Variants in ACCSL observed in about 807,000 individuals in gnomAD.
The protein encoded by ACCSL is 1-aminocyclopropane-1-carboxylate synthase homolog (inactive) like.
Under a neutral mutation model 61.7 loss-of-function variants are expected in ACCSL, and 55 were observed. That is an observed-to-expected ratio of 0.89 (90% CI 0.72 to 1.12). ACCSL has a LOEUF of 1.12. ACCSL is among the 50% of genes most tolerant of loss of function. ACCSL has a pLI of 0.00. For missense variants in ACCSL, 632 were observed against 698.0 expected (o/e 0.91, Z 1.07); for synonymous variants, 258 against 264.3 (o/e 0.98, Z 0.23).
chr11:43,957,653 A>C, the ACCSL span, among the ~76,000 whole-genome samples: 1 of 152,248 alleles, frequency 6.6e-6, no homozygotes, highest in African/African-American at 2.4e-5. Flanking sequence ...ATTTTGGAAT[A>C]AAATACTTTG....
At chr11:43,977,330 C>G in the ACCSL span, among the ~76,000 whole-genome samples, 13 of 152,182 alleles carry the variant, frequency 8.5e-5, no homozygotes, top group Non-Finnish European at 1.8e-4. Flanking sequence ...AGGAGATTAT[C>G]TGGGATTATC....
the ACCSL span, among the ~76,000 whole-genome samples, chr11:43,981,840 C>T: frequency 2.0e-5 from 3 of 152,224 alleles, no homozygotes; most frequent in Non-Finnish European, 4.4e-5. Context: ...TGTTCCTGTG[C>T]TCTGCTCCCC....
At chr11:44,000,519 C>T in the ACCSL span, among the ~76,000 whole-genome samples, 2 of 118,370 alleles carry the variant, frequency 1.7e-5, no homozygotes, top group East Asian at 4.1e-4. Flanking sequence ...GAGTGAGACT[C>T]TGTCTCAAAA....
chr11:44,050,856 T>C (rs920443651), intron 3 of ACCSL, among the ~76,000 whole-genome samples: 3 of 150,906 alleles, frequency 2.0e-5, no homozygotes, highest in African/African-American at 7.3e-5. Flanking sequence ...TTTTTTTTTT[T>C]TTTGAGATGG....
chr11:44,009,347 AC>A, the ACCSL span, among the ~76,000 whole-genome samples: 1 of 152,136 alleles, frequency 6.6e-6, no homozygotes, highest in East Asian at 1.9e-4. Flanking sequence ...GGAGGGTTCT[AC>A]TGTTGCCAGG....
chr11:43,934,723 AC>A, the ACCSL span, among the ~76,000 whole-genome samples: 2 of 151,980 alleles, frequency 1.3e-5, no homozygotes, highest in East Asian at 1.9e-4. Flanking sequence ...CTTCCTGCCT[AC>A]CCCCCAGGGA....
chr11:43,993,319 T>G, the ACCSL span, among the ~76,000 whole-genome samples: 1 of 152,144 alleles, frequency 6.6e-6, no homozygotes, highest in East Asian at 1.9e-4. Flanking sequence ...TCAAGCCCTC[T>G]TCTCAGGGGC....
At chr11:43,947,073 A>G in the ACCSL span, 1 of 152,310 alleles carries the variant, frequency 6.6e-6, no homozygotes, top group Non-Finnish European at 1.5e-5. Context: ...CTATACAAGC[A>G]TGGCACCAAC....
At chr11:43,960,658 T>G in the ACCSL span, among the ~76,000 whole-genome samples, 2 of 152,242 alleles carry the variant, frequency 1.3e-5, no homozygotes, top group Non-Finnish European at 2.9e-5. Flanking sequence ...GTGCTGGGCT[T>G]ACAGGCATGA....
At chr11:43,974,422 G>T in the ACCSL span, among the ~76,000 whole-genome samples, 1 of 152,114 alleles carries the variant, frequency 6.6e-6, no homozygotes, top group Non-Finnish European at 1.5e-5. Flanking sequence ...TAAGACATTT[G>T]TCATTGGATT....
the ACCSL span, among the ~76,000 whole-genome samples, chr11:43,972,633 A>G: frequency 7.9e-5 from 12 of 152,244 alleles, no homozygotes; most frequent in Non-Finnish European, 1.5e-4. Flanking sequence ...GTATGGTGTC[A>G]GGGCTAAACC....
chr11:44,055,949 C>A (rs1280805165), intron 9 of ACCSL, 91 bp from the exon 10 acceptor site: 2 of 1,495,034 alleles, frequency 1.3e-6, no homozygotes, highest in African/African-American at 1.4e-5. Flanking sequence ...CTGTCTAGGA[C>A]CAACCTCAAA....
At chr11:44,056,011 C>G in intron 9 of ACCSL, 29 bp from the exon 10 acceptor site, 1 of 1,613,582 alleles carries the variant, frequency 6.2e-7, no homozygotes, top group Non-Finnish European at 8.5e-7. Context: ...TCTCTATAAC[C>G]TTAGTTAATT....
intron 2 of ACCSL, 35 bp downstream of exon 2, chr11:44,050,156 C>G: frequency 6.4e-7 from 1 of 1,571,658 alleles, no homozygotes; most frequent in Non-Finnish European, 8.8e-7. Context: ...GGACCCACCC[C>G]TTCAAGGCTT....
At chr11:43,978,781 G>GT in the ACCSL span, among the ~76,000 whole-genome samples, 1 of 123,824 alleles carries the variant, frequency 8.1e-6, no homozygotes, top group Non-Finnish European at 1.6e-5. Flanking sequence ...CTGAGAAGGT[G>GT]GGTTTTTTTT....
At chr11:43,926,558 C>T in the ACCSL span, 7 of 449,164 alleles carry the variant, frequency 1.6e-5, no homozygotes, top group Admixed American at 9.8e-5. Context: ...GTGAGGGATA[C>T]GTGAAAGGAA....
chr11:44,047,959 T>C, upstream of ACCSL: 1 of 1,518,876 alleles, frequency 6.6e-7, no homozygotes, highest in Non-Finnish European at 8.8e-7. Context: ...CAGGAGATCC[T>C]CCTTTGCTCC....
intron 13 of ACCSL, 57 bp downstream of exon 13, chr11:44,058,756 A>G (rs1442179196): frequency 4.5e-6 from 7 of 1,553,744 alleles, no homozygotes; most frequent in African/African-American, 1.4e-5. Flanking sequence ...TAATATGTCA[A>G]TCTTCTCCCC....
chr11:43,943,906 T>A, the ACCSL span: 1 of 1,199,036 alleles, frequency 8.3e-7, no homozygotes. This position sits in a 1 kb window ranked among gnomAD's most constrained non-coding sequence, Gnocchi z 4.8. Context: ...CTTGACTTTT[T>A]GCACCTTCGG....
Sources: gnomAD v4.1 joint callset for allele counts (sites outside exome capture counted in the v4.1 genomes callset) on GRCh38, gnomAD v4.1.1 for gene constraint, Gnocchi (gnomAD v3.1) non-coding constraint, MANE v1.5 for transcripts, NCBI Gene and HGNC (gene_info 2026-07-23, HGNC 2026-07-21) for gene names.